The following FOXP2 variants were observed in gnomAD, a reference collection of about 807,000 sequenced individuals.
FOXP2 encodes forkhead box P2, also known as forkhead box protein P2.
FOXP2 carries 12 observed loss-of-function variants against 115.8 expected under a neutral mutation model. The observed-to-expected ratio is 0.10, with a 90% CI of 0.07 to 0.17. FOXP2 has a LOEUF of 0.17. FOXP2 is among the 10% of genes least tolerant of loss of function. The pLI is 1.00. For synonymous variants in FOXP2, 328 were observed against 297.7 expected, an observed-to-expected ratio of 1.10 and a Z score of -1.05; for missense variants, 629 against 843.5, an observed-to-expected ratio of 0.75 and a Z score of 3.15.
At chr7:114,595,348 G>T (rs982885720) in intron 3 of FOXP2, among the ~76,000 whole-genome samples, 7 of 151,930 alleles carry the variant, frequency 4.6e-5, no homozygotes, top group Non-Finnish European at 8.8e-5. Context: ...AAACAGAAGG[G>T]TATTAAACAC....
intron 16 of FOXP2, among the ~76,000 whole-genome samples, chr7:114,686,293 C>T (rs1032222327): frequency 3.9e-5 from 6 of 152,046 alleles, no homozygotes; most frequent in African/African-American, 1.2e-4. Context: ...CCACCTCGGC[C>T]TCCCGAGTAA....
intron 2 of FOXP2, among the ~76,000 whole-genome samples, chr7:114,383,280 A>G (rs1792354051): frequency 6.6e-6 from 1 of 152,210 alleles, no homozygotes; most frequent in East Asian, 1.9e-4. Context: ...TGAAAGAGAA[A>G]AAGGTACATG....
At chr7:114,473,431 G>A (rs74351749) in intron 2 of FOXP2, among the ~76,000 whole-genome samples, 1,769 of 152,262 alleles carry the variant, frequency 0.012, 30 homozygotes, top group African/African-American at 0.04. Context: ...TCAGGGGTCT[G>A]CTTATTAAAA....
At chr7:114,252,577 C>T (rs1305113987) in intron 1 of FOXP2, among the ~76,000 whole-genome samples, 2 of 152,132 alleles carry the variant, frequency 1.3e-5, no homozygotes, top group East Asian at 1.9e-4. Flanking sequence ...AGTTTATTTG[C>T]GTAGAGGTGT....
upstream of FOXP2, among the ~76,000 whole-genome samples, chr7:114,160,663 A>G (rs1400986767): frequency 1.3e-5 from 2 of 152,152 alleles, no homozygotes; most frequent in Non-Finnish European, 2.9e-5. Context: ...GTGGTTTATG[A>G]AGACCTCAAC....
intron 2 of FOXP2, among the ~76,000 whole-genome samples, chr7:114,354,537 T>C (rs1791569189): frequency 6.6e-6 from 1 of 152,122 alleles, no homozygotes; most frequent in Non-Finnish European, 1.5e-5. Flanking sequence ...AGAGGTACTT[T>C]CTCTCCTCCC....
At chr7:114,307,310 C>A (rs150031573) in intron 2 of FOXP2, among the ~76,000 whole-genome samples, 1 of 152,058 alleles carries the variant, frequency 6.6e-6, no homozygotes, top group Admixed American at 6.6e-5. Flanking sequence ...TTATGCCCCC[C>A]GAGTCCTGGA....
intron 2 of FOXP2, among the ~76,000 whole-genome samples, chr7:114,399,312 T>C (rs770384104): frequency 6.6e-5 from 10 of 152,078 alleles, no homozygotes; most frequent in African/African-American, 2.4e-5. Context: ...TTCACCATGT[T>C]GGCCAGGCTG....
chr7:114,689,366 A>G (rs2129354171), intron 16 of FOXP2, among the ~76,000 whole-genome samples: 1 of 152,316 alleles, frequency 6.6e-6, no homozygotes, highest in South Asian at 2.1e-4. Flanking sequence ...AGTCTGAAAT[A>G]TTTAGAAATA....
intron 1 of FOXP2, among the ~76,000 whole-genome samples, chr7:114,208,656 G>A (rs1794261937): frequency 6.6e-6 from 1 of 151,942 alleles, no homozygotes. Context: ...TGTTGTGGGA[G>A]GGACCTGGTG....
chr7:114,584,629 C>T (rs756825502), intron 3 of FOXP2, among the ~76,000 whole-genome samples: 3 of 152,132 alleles, frequency 2.0e-5, no homozygotes, highest in South Asian at 4.1e-4. Flanking sequence ...ATCTTGCTAA[C>T]AGACTCTCAA....
At chr7:114,659,823 A>C in intron 13 of FOXP2, 150 bp downstream of exon 13, 1 of 699,182 alleles carries the variant, frequency 1.4e-6, no homozygotes, top group Non-Finnish European at 2.5e-6. Flanking sequence ...CTCTCTCAAA[A>C]TGACAAGTGA....
At chr7:114,164,825 G>A (rs1464404042) in intron 1 of FOXP2, among the ~76,000 whole-genome samples, 1 of 152,068 alleles carries the variant, frequency 6.6e-6, no homozygotes, top group African/African-American at 2.4e-5. Context: ...GGTTGATGAA[G>A]AATTGGAAAA....
chr7:114,338,371 A>T (rs541758911), intron 2 of FOXP2, among the ~76,000 whole-genome samples: 1 of 151,116 alleles, frequency 6.6e-6, no homozygotes, highest in South Asian at 2.1e-4. Context: ...GCTTTTCAAT[A>T]ACAAAATTTA....
At chr7:114,092,240 A>G (rs543682405) in intron 1 of FOXP2, among the ~76,000 whole-genome samples, 1 of 152,218 alleles carries the variant, frequency 6.6e-6, no homozygotes, top group South Asian at 2.1e-4. Context: ...AAATTTATTT[A>G]AGTTTTTAGT....
At position 114,535,021 on chromosome 7, in the gene FOXP2, A is replaced by T. The variant is rs942213642; in HGVS notation, c.258+315A>T. Among the ~76,000 whole-genome samples, 4 of 151,832 alleles carry T rather than the reference A, an allele frequency of 2.6e-5. No individual in the cohort carries two copies. The South Asian group carries it at 6.2e-4, about 24-fold the overall frequency. The stretch of plus-strand genomic sequence containing the variant: ...ATTCATACATAGGTTGAAATGTAAA[A>T]TTTTTTTCTTAAAAGCAAAGTTATA... On this transcript the variant is annotated intron_variant, in intron 3 of 16. Coordinates refer to ENST00000350908, the MANE Select transcript of FOXP2 (RefSeq NM_014491.4).
intron 3 of FOXP2, among the ~76,000 whole-genome samples, chr7:114,545,528 C>T (rs755784395): frequency 2.6e-5 from 4 of 152,076 alleles, no homozygotes; most frequent in Non-Finnish European, 4.4e-5. Flanking sequence ...ATCCTAAACT[C>T]CTCAGTATAT....
At chr7:114,193,779 G>A (rs1238205521) in intron 1 of FOXP2, among the ~76,000 whole-genome samples, 1 of 151,970 alleles carries the variant, frequency 6.6e-6, no homozygotes, top group African/African-American at 2.4e-5. Context: ...TCAGTTTGTC[G>A]GTATGGTACA....
chr7:114,576,795 A>G (rs996601920), intron 3 of FOXP2, among the ~76,000 whole-genome samples: 6 of 151,952 alleles, frequency 3.9e-5, no homozygotes, highest in African/African-American at 1.4e-4. Context: ...CGTATTTCTA[A>G]ACATCGCTTA....
Sources: gnomAD v4.1 joint callset for allele counts (sites outside exome capture counted in the v4.1 genomes callset) on GRCh38, gnomAD v4.1.1 for gene constraint, MANE v1.5 for transcripts, NCBI Gene and HGNC (gene_info 2026-07-23, HGNC 2026-07-21) for gene names.